Variants in SYNPO2 observed in about 807,000 individuals in gnomAD.
SYNPO2 encodes synaptopodin-2.
A neutral mutation model predicts 85.0 loss-of-function variants in SYNPO2; 56 were observed. The observed-to-expected ratio is 0.66, with a 90% CI of 0.53 to 0.82. The LOEUF is 0.82. SYNPO2 is among the 40% of genes least tolerant of loss of function. The pLI, the probability that SYNPO2 is intolerant of heterozygous loss-of-function variation, is 0.00. For synonymous variants in SYNPO2, 602 were observed against 591.1 expected, an observed-to-expected ratio of 1.02 and a Z score of -0.27; for missense variants, 1,575 against 1,534.2, an observed-to-expected ratio of 1.03 and a Z score of -0.44.
chr4:119,042,622 G>A (rs951383669), intron 4 of SYNPO2: 1 of 152,144 alleles, frequency 6.6e-6, no homozygotes, highest in Non-Finnish European at 1.5e-5. Context: ...AAAGAAAAAG[G>A]AAGTTCATGC....
intron 1 of SYNPO2, among the ~76,000 whole-genome samples, chr4:118,951,630 A>G (rs1163573985): frequency 6.6e-6 from 1 of 152,198 alleles, no homozygotes; most frequent in Non-Finnish European, 1.5e-5. Context: ...AACAAAATGA[A>G]TACAACATTG....
chr4:118,906,217 T>C (rs1008085928), intron 1 of SYNPO2, among the ~76,000 whole-genome samples: 2 of 152,082 alleles, frequency 1.3e-5, no homozygotes, highest in African/African-American at 4.8e-5. Flanking sequence ...TTGCTTTTTT[T>C]TAAAAAAATA....
chr4:118,897,991 C>T (rs1375402583), intron 1 of SYNPO2, among the ~76,000 whole-genome samples: 11 of 152,024 alleles, frequency 7.2e-5, no homozygotes, highest in Non-Finnish European at 1.3e-4. Context: ...ATTTCCAGAA[C>T]GAATAATTTA....
chr4:119,005,660 G>A (rs552377265), intron 1 of SYNPO2, among the ~76,000 whole-genome samples: 5 of 151,580 alleles, frequency 3.3e-5, no homozygotes, highest in African/African-American at 9.7e-5. Flanking sequence ...GTCAGATAGC[G>A]TGATGCCTCC....
At chr4:118,904,103 T>C (rs1732850807) in intron 1 of SYNPO2, among the ~76,000 whole-genome samples, 1 of 152,214 alleles carries the variant, frequency 6.6e-6, no homozygotes, top group Non-Finnish European at 1.5e-5. Flanking sequence ...AAATGGACTT[T>C]CAATATATTA....
chr4:118,926,561 A>G (rs1733717539), intron 1 of SYNPO2, among the ~76,000 whole-genome samples: 1 of 152,196 alleles, frequency 6.6e-6, no homozygotes, highest in Non-Finnish European at 1.5e-5. Context: ...CATAATTAAA[A>G]GGTAATATAT....
intron 1 of SYNPO2, among the ~76,000 whole-genome samples, chr4:118,999,217 T>A (rs1369612741): frequency 1.3e-5 from 2 of 152,152 alleles, no homozygotes; most frequent in Non-Finnish European, 2.9e-5. Flanking sequence ...GGCACCACCA[T>A]GGCTCACCGC....
chr4:119,029,332 G>C (rs896073489), intron 3 of SYNPO2, among the ~76,000 whole-genome samples: 4 of 152,002 alleles, frequency 2.6e-5, no homozygotes, highest in Non-Finnish European at 4.4e-5. Flanking sequence ...AACCTAAATA[G>C]CTAAATTCAT....
chr4:118,990,450 C>T (rs2149167698), intron 1 of SYNPO2, among the ~76,000 whole-genome samples: 1 of 152,278 alleles, frequency 6.6e-6, no homozygotes, highest in Middle Eastern at 3.4e-3. Context: ...CACTATTATA[C>T]ACCAAATATT....
intron 1 of SYNPO2, among the ~76,000 whole-genome samples, chr4:118,944,469 C>G (rs1481427580): frequency 6.6e-6 from 1 of 152,020 alleles, no homozygotes; most frequent in Non-Finnish European, 1.5e-5. Context: ...TGGACATATC[C>G]ATATTGGGAG....
intron 1 of SYNPO2, among the ~76,000 whole-genome samples, chr4:118,875,999 T>A (rs1731898940): frequency 6.6e-6 from 1 of 152,230 alleles, no homozygotes; most frequent in Non-Finnish European, 1.5e-5. Flanking sequence ...TCACGGCTAC[T>A]CCAGTACCAT....
rs1179564885 is a variant in SYNPO2, at chr4:118,961,698, G to A, written c.106-61732G>A. 3.3e-5 allele frequency among the ~76,000 whole-genome samples: 5 copies of A among 152,222 alleles called. No homozygotes were observed. In the South Asian group the frequency reaches 1.0e-3, roughly 32 times the overall value. On this transcript the variant is annotated intron_variant, in intron 1 of 4. Coordinates refer to ENST00000307142, the MANE Select transcript of SYNPO2 (RefSeq NM_133477.3). ...TCTAAGGTCTTTCACATTCACTGCT[G>A]CCTGCCTGCATCTAGACTACTACCT...
Position 119,021,254 on chromosome 4 carries a change from A to G in SYNPO2, c.106-2176A>G, listed in dbSNP as rs1202157813. 2.0e-5 allele frequency among the ~76,000 whole-genome samples: 3 copies of G among 152,352 alleles called. No individual in the cohort carries two copies. In the East Asian group the frequency reaches 5.8e-4, roughly 29 times the overall value. ...TTTGCTTTCAAGAGTATCATTTAAA[A>G]TGAACCTCTAGATGTAAACTTTAAA... On this transcript the variant is annotated intron_variant, in intron 1 of 4. Coordinates refer to ENST00000307142, the MANE Select transcript of SYNPO2 (RefSeq NM_133477.3).
At chr4:118,915,567 C>T (rs554473445) in intron 1 of SYNPO2, among the ~76,000 whole-genome samples, 6 of 152,004 alleles carry the variant, frequency 3.9e-5, no homozygotes, top group South Asian at 2.1e-4. Flanking sequence ...GTGAGTATCC[C>T]GCAGTTCACT....
At chr4:118,967,599 ATGGTAAT>A (rs1229590679) in intron 1 of SYNPO2, among the ~76,000 whole-genome samples, 1 of 152,228 alleles carries the variant, frequency 6.6e-6, no homozygotes, top group Non-Finnish European at 1.5e-5. Context: ...AGCCCCATTC[ATGGTAAT>A]TTCCAGAGAA....
At chr4:118,999,432 G>A (rs368534492) in intron 1 of SYNPO2, among the ~76,000 whole-genome samples, 8 of 152,100 alleles carry the variant, frequency 5.3e-5, no homozygotes, top group African/African-American at 1.2e-4. Flanking sequence ...AATTATAGGC[G>A]TGAACCATGG....
In SYNPO2 at chr4:119,024,464, C is replaced by T. The variant is rs555870712; in HGVS notation, c.257+883C>T. ...TCTGCAGAAACACTACGCACAGTTA[C>T]CCCTCTGCTAATCATTCAGTATGAT... On this transcript the variant is annotated intron_variant, in intron 2 of 4. Coordinates refer to ENST00000307142, the MANE Select transcript of SYNPO2 (RefSeq NM_133477.3). 1.8e-4 allele frequency among the ~76,000 whole-genome samples: 27 copies of T among 152,238 alleles called. 1 individual carries two copies. The South Asian group carries it at 5.6e-3, about 32-fold the overall frequency.
intron 1 of SYNPO2, among the ~76,000 whole-genome samples, chr4:118,924,605 T>C (rs1471612344): frequency 2.6e-5 from 4 of 152,202 alleles, no homozygotes; most frequent in Admixed American, 2.6e-4. Context: ...TTCAGACACT[T>C]GACAGGCACT....
chr4:118,985,062 G>A (rs569640308), intron 1 of SYNPO2, among the ~76,000 whole-genome samples: 10 of 152,308 alleles, frequency 6.6e-5, no homozygotes, highest in African/African-American at 2.2e-4. Flanking sequence ...AAGATTCCCA[G>A]GCTCCAAGAA....
Sources: gnomAD v4.1 joint callset for allele counts (sites outside exome capture counted in the v4.1 genomes callset) on GRCh38, gnomAD v4.1.1 for gene constraint, MANE v1.5 for transcripts, NCBI Gene and HGNC (gene_info 2026-07-23, HGNC 2026-07-21) for gene names.